Variants in PRKCH observed in about 807,000 individuals in gnomAD.
PRKCH encodes protein kinase C eta.
Under a neutral mutation model 82.5 loss-of-function variants are expected in PRKCH, and 28 were observed. The ratio of observed to expected loss-of-function variants is 0.34; its 90% CI spans 0.25 to 0.47. The LOEUF is 0.47. Among genes scored for constraint, PRKCH ranks in the 20% least tolerant of loss-of-function variants. PRKCH has a pLI of 1.00. For missense variants in PRKCH, 705 were observed against 881.8 expected, an observed-to-expected ratio of 0.80 and a Z score of 2.54; for synonymous variants, 322 against 327.4, an observed-to-expected ratio of 0.98 and a Z score of 0.18.
intron 10 of PRKCH, among the ~76,000 whole-genome samples, chr14:61,496,328 G>C (rs553255816): frequency 1.2e-3 from 185 of 152,320 alleles, no homozygotes; most frequent in African/African-American, 3.1e-3. Context: ...TCTGGGAAGT[G>C]AAAGGACTTG....
chr14:61,322,621 G>C, intron 1 of PRKCH, 157 bp downstream of exon 1: 1 of 1,067,264 alleles, frequency 9.4e-7, no homozygotes, highest in East Asian at 2.6e-5. Flanking sequence ...CACTGGTGAC[G>C]CGACCGCGGT....
chr14:61,379,597 T>C (rs763061341), intron 1 of PRKCH, among the ~76,000 whole-genome samples: 1 of 152,280 alleles, frequency 6.6e-6, no homozygotes, highest in African/African-American at 2.4e-5. Context: ...GTTTATATCT[T>C]GTTTTTAACC....
At chr14:61,393,421 G>T (rs1295980563) in intron 2 of PRKCH, among the ~76,000 whole-genome samples, 2 of 152,148 alleles carry the variant, frequency 1.3e-5, no homozygotes, top group Non-Finnish European at 2.9e-5. Context: ...AGTCAATTCT[G>T]TAGTCCGTGG....
chr14:61,528,867 G>C, intron 10 of PRKCH: 1 of 410,416 alleles, frequency 2.4e-6, no homozygotes, highest in Non-Finnish European at 4.3e-6. Context: ...TTGGAGCCAT[G>C]AGGCAAGTTC....
At chr14:61,208,605 G>A (rs1400541787) in intron 1 of PRKCH, among the ~76,000 whole-genome samples, 1 of 152,136 alleles carries the variant, frequency 6.6e-6, no homozygotes, top group African/African-American at 2.4e-5. Context: ...GATTCTCAAT[G>A]ATTCCAAAAA....
At chr14:61,214,979 G>A (rs2044606916) in intron 1 of PRKCH, among the ~76,000 whole-genome samples, 1 of 152,188 alleles carries the variant, frequency 6.6e-6, no homozygotes, top group South Asian at 2.1e-4. Flanking sequence ...TAGGTGAAAA[G>A]CTTTCTGAGG....
intron 10 of PRKCH, among the ~76,000 whole-genome samples, chr14:61,491,056 A>G (rs894358703): frequency 1.3e-4 from 19 of 151,948 alleles, no homozygotes; most frequent in Admixed American, 5.9e-4. Flanking sequence ...TCTGATTCCC[A>G]CCTCCTAGGA....
chr14:61,407,181 G>A (rs1433332258), intron 2 of PRKCH, among the ~76,000 whole-genome samples: 6 of 152,190 alleles, frequency 3.9e-5, no homozygotes, highest in Non-Finnish European at 8.8e-5. Context: ...CTATTCTCAT[G>A]CTCTGACCAT....
At chr14:61,481,104 G>T (rs1180594080) in intron 9 of PRKCH, among the ~76,000 whole-genome samples, 1 of 152,142 alleles carries the variant, frequency 6.6e-6, no homozygotes, top group African/African-American at 2.4e-5. Flanking sequence ...TTAACACACT[G>T]TGGCGATGTG....
chr14:61,293,055 C>T (rs1188212124), intron 1 of PRKCH, among the ~76,000 whole-genome samples: 1 of 152,084 alleles, frequency 6.6e-6, no homozygotes, highest in African/African-American at 2.4e-5. Context: ...TAAAGTGGCA[C>T]ATGACTAAAG....
In PRKCH at chr14:61,280,688, C is replaced by T. The variant is rs748338783; in HGVS notation, c.-19+93020C>T. 26 of 1,577,192 alleles carry T rather than the reference C, an allele frequency of 1.6e-5. No homozygotes were observed. In the East Asian group the frequency reaches 5.6e-4, roughly 34 times the overall value. ...CAGGGCGCGATGGGCAGGCCGGCCGCGCTGCGCTGGTAGGGGGCGCACTCG... is the reference window on the plus strand; with the variant it reads ...CAGGGCGCGATGGGCAGGCCGGCCGTGCTGCGCTGGTAGGGGGCGCACTCG... On this transcript the variant is annotated intron_variant, in intron 1 of 3. Transcript: ENST00000555185. This position sits in a 1 kb window ranked among gnomAD's most constrained non-coding sequence, Gnocchi z 5.0.
At chr14:61,255,572 G>T (rs957984779) in intron 1 of PRKCH, among the ~76,000 whole-genome samples, 7 of 152,102 alleles carry the variant, frequency 4.6e-5, no homozygotes, top group African/African-American at 1.7e-4. Flanking sequence ...TTCAAATACA[G>T]ATTAAAATAA....
rs149636357 is a variant in PRKCH, at chr14:61,287,807, C to T, written c.-19+100139C>T. 3.3e-3 allele frequency among the ~76,000 whole-genome samples: 495 copies of T among 152,150 alleles called. 2 individuals are homozygous for T. Among genetic ancestry groups the T allele is most frequent in the African/African-American group, 0.011 (459 of 41,492 alleles). ...AGGACTGGAAGAGGGAGGGGGACAC[C>T]ATGACAGTGTCTGTGGAGCCAGCCA... On this transcript the variant is annotated intron_variant, in intron 1 of 3. Coordinates refer to the PRKCH transcript ENST00000555185.
At chr14:61,504,659 G>A (rs1383950191) in intron 10 of PRKCH, among the ~76,000 whole-genome samples, 1 of 152,162 alleles carries the variant, frequency 6.6e-6, no homozygotes. Context: ...TCCTTTGATG[G>A]AGTATTCTCC....
intron 1 of PRKCH, among the ~76,000 whole-genome samples, chr14:61,253,092 C>T (rs1445209834): frequency 6.6e-6 from 1 of 152,216 alleles, no homozygotes; most frequent in Non-Finnish European, 1.5e-5. Flanking sequence ...ACCTTTTAAA[C>T]TCTATGAGAT....
At chr14:61,330,016 A>G (rs1235264665) in intron 1 of PRKCH, among the ~76,000 whole-genome samples, 2 of 152,230 alleles carry the variant, frequency 1.3e-5, no homozygotes, top group South Asian at 2.1e-4. Flanking sequence ...ATGAGCATGT[A>G]CTAAGTACCA....
chr14:61,391,076 C>T (rs986909106), intron 1 of PRKCH, 149 bp from the exon 2 acceptor site: 3 of 587,806 alleles, frequency 5.1e-6, no homozygotes, highest in South Asian at 2.6e-5. Context: ...CACTTGTTTC[C>T]CTGCCACTCT....
chr14:61,396,351 A>C (rs1294368104), intron 2 of PRKCH, among the ~76,000 whole-genome samples: 3 of 152,118 alleles, frequency 2.0e-5, no homozygotes, highest in Non-Finnish European at 4.4e-5. Flanking sequence ...CATTAATTAT[A>C]CTGAATTAGC....
rs540345521 is a variant in PRKCH at position 61,497,575 on chromosome 14, C to T, written c.1433+11919C>T. On this transcript the variant is annotated intron_variant, in intron 10 of 13. Coordinates refer to ENST00000332981, the MANE Select transcript of PRKCH (RefSeq NM_006255.5). ...ATGTACACATTGTGTAATCAATACT[C>T]CAAATACTATATGGAACATTTCTGT... Among the ~76,000 whole-genome samples, 8 of 152,252 alleles carry T rather than the reference C, an allele frequency of 5.3e-5. 1 individual carries two copies. Among genetic ancestry groups the T allele is most frequent in the African/African-American group, 1.9e-4 (8 of 41,520 alleles).
Sources: allele counts gnomAD v4.1 joint callset (sites outside exome capture counted in the v4.1 genomes callset), GRCh38; gene constraint gnomAD v4.1.1; non-coding constraint Gnocchi (gnomAD v3.1); transcripts MANE v1.5; gene names NCBI Gene and HGNC (gene_info 2026-07-23, HGNC 2026-07-21).